GBE1: variants seen among roughly 807,000 people sequenced by gnomAD.
GBE1 encodes 1,4-alpha-glucan branching enzyme 1, also known as 1,4-alpha-glucan-branching enzyme.
GBE1 carries 70 observed loss-of-function variants against 88.8 expected under a neutral mutation model. The observed-to-expected ratio is 0.79, with a 90% CI of 0.65 to 0.96. GBE1 has a LOEUF of 0.96. Among genes scored for constraint, GBE1 ranks in the 40% least tolerant of loss-of-function variants. GBE1 has a pLI of 0.00. For missense variants in GBE1, 872 were observed against 871.0 expected (o/e 1.00, Z -0.01); for synonymous variants, 284 against 300.1 (o/e 0.95, Z 0.56).
At chr3:81,612,645 A>G in intron 7 of GBE1, 1 of 570,984 alleles carries the variant, frequency 1.8e-6, no homozygotes, top group African/African-American at 1.9e-5. Context: ...TTACATTTCT[A>G]TTCGACTTTC....
chr3:81,712,647 G>A (rs544982391), intron 1 of GBE1, among the ~76,000 whole-genome samples: 6 of 151,270 alleles, frequency 4.0e-5, no homozygotes, highest in African/African-American at 1.2e-4. Flanking sequence ...GGGGCCTGTC[G>A]TGGGGTGGGG....
At chr3:81,687,955 T>A (rs930672415) in intron 2 of GBE1, among the ~76,000 whole-genome samples, 2 of 152,198 alleles carry the variant, frequency 1.3e-5, no homozygotes, top group Admixed American at 6.5e-5. Context: ...TAAAGTTTGA[T>A]AATGCTTTCC....
chr3:81,608,165 G>T (rs1312492482), intron 7 of GBE1, among the ~76,000 whole-genome samples: 1 of 152,180 alleles, frequency 6.6e-6, no homozygotes. Context: ...TTCTGGGTCA[G>T]TGTTCAACTT....
In GBE1 at chr3:81,597,470, TATATATCTCAAA is replaced by T. The variant is rs1290864139; in HGVS notation, c.993-3459_993-3448del. 2.9e-5 allele frequency among the ~76,000 whole-genome samples: 4 copies of T among 137,846 alleles called. No individual in the cohort carries two copies. The East Asian group carries it at 8.9e-4, about 31-fold the overall frequency. The allele number at this position is 137,846 out of a possible 152,430, so 90.4% of individuals were successfully genotyped here. Reference sequence around the variant, plus strand: ...AATATATATATATCTCAAATATATATATATATCTCAAAATATATATATATATATATATATATC... The same window carrying T: ...AATATATATATATCTCAAATATATATATATATATATATATATATATATATC... On this transcript the variant is annotated intron_variant, in intron 7 of 15. Coordinates refer to ENST00000429644, the MANE Select transcript of GBE1 (RefSeq NM_000158.4).
At chr3:81,688,612 C>T (rs962280258) in intron 2 of GBE1, among the ~76,000 whole-genome samples, 7 of 151,924 alleles carry the variant, frequency 4.6e-5, no homozygotes, top group African/African-American at 9.7e-5. Context: ...AAGAATTATA[C>T]CTGTGTTTAG....
At chr3:81,585,420 G>A (rs3772914) in intron 10 of GBE1, among the ~76,000 whole-genome samples, 95,892 of 151,792 alleles carry the variant, frequency 0.63, 31,606 homozygotes, top group East Asian at 0.91. Flanking sequence ...TATATATTCA[G>A]CCCATGAATG....
At chr3:81,509,572 ATTCCTTTTT>A (rs1002717098) in intron 14 of GBE1, 4 of 151,734 alleles carry the variant, frequency 2.6e-5, no homozygotes, top group African/African-American at 9.7e-5. Context: ...TATATAAGAA[ATTCCTTTTT>A]TTTCTCTGCC....
At chr3:81,632,232 C>T (rs1176277452) in intron 7 of GBE1, among the ~76,000 whole-genome samples, 2 of 152,030 alleles carry the variant, frequency 1.3e-5, no homozygotes, top group Non-Finnish European at 2.9e-5. Context: ...GGGTTGGTTC[C>T]AAGTCTTTGC....
Position 81,739,530 on chromosome 3 carries a change from C to T in GBE1, c.143+21845G>A, listed in dbSNP as rs780081107. Among the ~76,000 whole-genome samples the T allele has an allele frequency of 5.9e-5, 9 of 152,228 alleles. No individual in the cohort carries two copies. In the East Asian group the frequency reaches 7.7e-4, roughly 13 times the overall value. On this transcript the variant is annotated intron_variant, in intron 1 of 15. Coordinates refer to ENST00000429644, the MANE Select transcript of GBE1 (RefSeq NM_000158.4). Reference sequence around the variant, plus strand: ...AGACAGGGGTGCACTTTCTAGAAGACAACATATTGCCTGGCAAATATTGAG... The same window carrying T: ...AGACAGGGGTGCACTTTCTAGAAGATAACATATTGCCTGGCAAATATTGAG...
chr3:81,620,185 ATTTTT>A (rs5850530), intron 7 of GBE1, among the ~76,000 whole-genome samples: 1 of 142,750 alleles, frequency 7.0e-6, no homozygotes, highest in South Asian at 2.2e-4. Flanking sequence ...CATGGAAATA[ATTTTT>A]TTTTTTTTTT....
At chr3:81,718,548 G>A (rs1284604107) in intron 1 of GBE1, among the ~76,000 whole-genome samples, 1 of 152,134 alleles carries the variant, frequency 6.6e-6, no homozygotes, top group Non-Finnish European at 1.5e-5. Context: ...TGTGTGTGAA[G>A]CTGAAATATA....
At chr3:81,512,009 C>A (rs1475153334) in intron 14 of GBE1, among the ~76,000 whole-genome samples, 5 of 151,928 alleles carry the variant, frequency 3.3e-5, no homozygotes. Context: ...GAATGCTACA[C>A]AGCCATTGAA....
intron 1 of GBE1, among the ~76,000 whole-genome samples, chr3:81,756,702 C>A (rs562661804): frequency 6.6e-6 from 1 of 152,092 alleles, no homozygotes; most frequent in African/African-American, 2.4e-5. Context: ...TAATATATCT[C>A]TAAGCTGTGT....
chr3:81,716,198 TCTTA>T (rs1344423222), intron 1 of GBE1, among the ~76,000 whole-genome samples: 2 of 152,204 alleles, frequency 1.3e-5, no homozygotes, highest in Admixed American at 6.5e-5. Flanking sequence ...ATAGTTTTGT[TCTTA>T]CTTAGTCTAA....
At chr3:81,507,777 G>A (rs1024500265) in intron 14 of GBE1, among the ~76,000 whole-genome samples, 2 of 151,848 alleles carry the variant, frequency 1.3e-5, no homozygotes, top group African/African-American at 4.8e-5. Flanking sequence ...AGCTAAATAT[G>A]CATTCAAATG....
At chr3:81,730,087 T>C (rs1018700275) in intron 1 of GBE1, among the ~76,000 whole-genome samples, 1 of 152,124 alleles carries the variant, frequency 6.6e-6, no homozygotes, top group East Asian at 1.9e-4. Context: ...CCTTTGTCAA[T>C]TGCTGTGTTA....
At chr3:81,661,273 A>C (rs1705027500) in intron 3 of GBE1, among the ~76,000 whole-genome samples, 1 of 152,214 alleles carries the variant, frequency 6.6e-6, no homozygotes, top group African/African-American at 2.4e-5. Context: ...AGATACAAGA[A>C]AAGTAAGCTT....
intron 7 of GBE1, among the ~76,000 whole-genome samples, chr3:81,613,842 G>C (rs542877241): frequency 6.7e-6 from 1 of 149,954 alleles, no homozygotes; most frequent in African/African-American, 2.5e-5. Flanking sequence ...TTTTCTCTTT[G>C]TTTCACTGGA....
chr3:81,568,575 C>A (rs937740880), intron 12 of GBE1, among the ~76,000 whole-genome samples: 3 of 152,132 alleles, frequency 2.0e-5, no homozygotes, highest in African/African-American at 7.2e-5. Context: ...CTTTGCATGT[C>A]AAGCATTTAG....
Sources: gnomAD v4.1 joint callset for allele counts (sites outside exome capture counted in the v4.1 genomes callset) on GRCh38, gnomAD v4.1.1 for gene constraint, MANE v1.5 for transcripts, NCBI Gene and HGNC (gene_info 2026-07-23, HGNC 2026-07-21) for gene names.